The following PTPRN2 variants were observed in gnomAD, a reference collection of about 807,000 sequenced individuals.
PTPRN2 encodes protein tyrosine phosphatase receptor type N2.
Under a neutral mutation model 118.8 loss-of-function variants are expected in PTPRN2, and 74 were observed. The ratio of observed to expected loss-of-function variants is 0.62; its 90% CI spans 0.52 to 0.76. The LOEUF (loss-of-function observed/expected upper bound fraction) is 0.76, where lower values mean the gene tolerates loss of function less well. PTPRN2 is among the 30% of genes least tolerant of loss of function. The probability of loss-of-function intolerance (pLI) is 0.00; values close to 1 mark genes in which losing one functional copy is unlikely to be tolerated. For missense variants in PTPRN2, 1,481 were observed against 1,394.4 expected (o/e 1.06, Z -0.99); for synonymous variants, 641 against 608.0 (o/e 1.05, Z -0.80).
At chr7:158,484,817 G>A (rs772015190) in intron 2 of PTPRN2, among the ~76,000 whole-genome samples, 1 of 152,156 alleles carries the variant, frequency 6.6e-6, no homozygotes, top group African/African-American at 2.4e-5. Context: ...CATCACAGAC[G>A]TCCTCGGTTC....
rs571129792 is a variant in PTPRN2 at position 158,057,462 on chromosome 7, C to T, written c.1723+23836G>A. Among the ~76,000 whole-genome samples, 6 of 152,280 alleles carry T rather than the reference C, an allele frequency of 3.9e-5. No individual in the cohort carries two copies. The East Asian group carries it at 7.7e-4, about 20-fold the overall frequency. On this transcript the variant is annotated intron_variant, in intron 11 of 22. Coordinates refer to ENST00000389418, the MANE Select transcript of PTPRN2 (RefSeq NM_002847.5). ...TTCCATAACACAGTCAGTCACAGACCGAGCAGGTACACCCGAGGAATAGCC... is the reference window on the plus strand; with the variant it reads ...TTCCATAACACAGTCAGTCACAGACTGAGCAGGTACACCCGAGGAATAGCC...
chr7:157,628,940 C>G (rs1471282984), intron 14 of PTPRN2, among the ~76,000 whole-genome samples: 1 of 152,058 alleles, frequency 6.6e-6, no homozygotes, highest in African/African-American at 2.4e-5. Flanking sequence ...AGAGGAAATC[C>G]TAGGAAATGC....
In PTPRN2 at chr7:157,929,746, CTGT is replaced by C. The variant is rs1255162935; in HGVS notation, c.1724-31012_1724-31010del. On this transcript the variant is annotated intron_variant, in intron 11 of 22. Coordinates refer to ENST00000389418, the MANE Select transcript of PTPRN2 (RefSeq NM_002847.5). This position sits in a 1 kb window ranked among gnomAD's most constrained non-coding sequence, Gnocchi z 4.4. Reference sequence around the variant, plus strand: ...CACAGGGGTGAGGAGCTCTGTGCTGCTGTTGAGATGAATGGTGCCAGAAGGGAG... The same window carrying C: ...CACAGGGGTGAGGAGCTCTGTGCTGCTGAGATGAATGGTGCCAGAAGGGAG... 6.6e-6 allele frequency among the ~76,000 whole-genome samples: 1 copy of C among 152,094 alleles called. No individual in the cohort carries two copies. The highest frequency in any genetic ancestry group is 1.5e-5 in the Non-Finnish European group (1 of 68,026).
chr7:158,131,207 TAC>T (rs1422878037), intron 9 of PTPRN2, among the ~76,000 whole-genome samples: 2 of 148,700 alleles, frequency 1.3e-5, no homozygotes, highest in African/African-American at 2.5e-5. Context: ...CACACTCATA[TAC>T]ACACACGTAC....
At chr7:158,233,786 G>A (rs962123811) in intron 3 of PTPRN2, among the ~76,000 whole-genome samples, 29 of 152,014 alleles carry the variant, frequency 1.9e-4, no homozygotes, top group African/African-American at 7.0e-4. Flanking sequence ...CAGACCAATG[G>A]AACAGAATAG....
intron 21 of PTPRN2, among the ~76,000 whole-genome samples, chr7:157,567,180 G>C (rs116524834): frequency 0.01 from 1,575 of 152,374 alleles, 28 homozygotes; most frequent in African/African-American, 0.036. Flanking sequence ...AGACACAGCA[G>C]CATTAATGGA....
rs370605192 is a variant in PTPRN2, at chr7:158,047,330, T to C, written c.1723+33968A>G. On this transcript the variant is annotated intron_variant, in intron 11 of 22. Coordinates refer to ENST00000389418, the MANE Select transcript of PTPRN2 (RefSeq NM_002847.5). The stretch of plus-strand genomic sequence containing the variant: ...CTCAGTTCCCTTTCTCTCAAGGAGC[T>C]TTCAGCTCAGGAGAATAAACAAGGA... 4.6e-5 allele frequency among the ~76,000 whole-genome samples: 7 copies of C among 152,342 alleles called. 1 individual carries two copies. The East Asian group carries it at 1.2e-3, about 25-fold the overall frequency.
chr7:158,376,548 T>G (rs1158990177), intron 2 of PTPRN2, among the ~76,000 whole-genome samples: 42 of 43,950 alleles, frequency 9.6e-4, no homozygotes, highest in South Asian at 2.2e-3. Flanking sequence ...CTCTCCCACA[T>G]CCCTGTCACA....
intron 13 of PTPRN2, among the ~76,000 whole-genome samples, chr7:157,656,902 TCACACATATACACACACACACGCCACAC>T (rs1563311517): frequency 4.1e-5 from 4 of 97,854 alleles, no homozygotes; most frequent in Admixed American, 1.1e-4. Flanking sequence ...ACCACACACA[TCACACATATACACACACACACGCCACAC>T]ACACACACCA....
intron 12 of PTPRN2, among the ~76,000 whole-genome samples, chr7:157,747,771 C>G (rs1699475073): frequency 1.6e-5 from 2 of 127,822 alleles, no homozygotes; most frequent in Admixed American, 8.5e-5. Context: ...CCGGGTGATT[C>G]TGAGGCCTGC....
intron 17 of PTPRN2, among the ~76,000 whole-genome samples, chr7:157,593,478 C>T (rs986667226): frequency 6.6e-6 from 1 of 152,220 alleles, no homozygotes; most frequent in African/African-American, 2.4e-5. Flanking sequence ...TTTGGGGGCA[C>T]CCCATGCCAC....
At chr7:158,524,467 CGGA>C (rs1563395054) in intron 1 of PTPRN2, among the ~76,000 whole-genome samples, 1 of 91,976 alleles carries the variant, frequency 1.1e-5, no homozygotes, top group Non-Finnish European at 2.0e-5. Flanking sequence ...TGCCCTGGAG[CGGA>C]GTCTGCCCTG....
At chr7:157,812,386 A>ATGAGGGAGG (rs540777882) in intron 12 of PTPRN2, among the ~76,000 whole-genome samples, 209 of 145,666 alleles carry the variant, frequency 1.4e-3, no homozygotes, top group South Asian at 0.014. Flanking sequence ...CCTTTGGGGC[A>ATGAGGGAGG]TGAGGGAGGT....
intron 11 of PTPRN2, among the ~76,000 whole-genome samples, chr7:157,955,649 C>T (rs1293823660): frequency 1.3e-5 from 2 of 152,186 alleles, no homozygotes; most frequent in African/African-American, 2.4e-5. Context: ...CAACTCCCAA[C>T]CATTGTGGTT....
At position 157,590,462 on chromosome 7, in the gene PTPRN2, G is replaced by C. The variant is rs924204697; in HGVS notation, c.2496+4776C>G. On this transcript the variant is annotated intron_variant, in intron 17 of 22. Transcript: ENST00000389418. The surrounding 1 kb of genome is among the most constrained non-coding windows in gnomAD (Gnocchi z 4.0). ...CCTTTAGGTAATGAATTTATTTTTA[G>C]GAATTTCTTGATGTAAGTCAAATTT... is the stretch of plus-strand genomic sequence containing the variant. 2.0e-5 allele frequency among the ~76,000 whole-genome samples: 3 copies of C among 152,176 alleles called. No homozygotes were observed. Among genetic ancestry groups the C allele is most frequent in the Non-Finnish European group, 4.4e-5 (3 of 68,030 alleles).
intron 15 of PTPRN2, among the ~76,000 whole-genome samples, chr7:157,612,906 C>A (rs1307073579): frequency 1.3e-5 from 2 of 152,208 alleles, no homozygotes; most frequent in Non-Finnish European, 2.9e-5. Context: ...GGGCAGGGCC[C>A]CCCACACCCC....
intron 10 of PTPRN2, among the ~76,000 whole-genome samples, chr7:158,106,520 T>A (rs540842662): frequency 1.3e-5 from 2 of 152,322 alleles, no homozygotes; most frequent in African/African-American, 2.4e-5. Flanking sequence ...TATTTCCACC[T>A]TTTCTGACTC....
At chr7:158,543,008 G>T (rs543631577) in intron 1 of PTPRN2, among the ~76,000 whole-genome samples, 1 of 151,368 alleles carries the variant, frequency 6.6e-6, no homozygotes, top group South Asian at 2.1e-4. Flanking sequence ...GTCATGCGCC[G>T]GGTTGGGTCA....
chr7:158,163,874 A>G (rs1179315805), intron 6 of PTPRN2, among the ~76,000 whole-genome samples: 3 of 152,174 alleles, frequency 2.0e-5, no homozygotes, highest in Non-Finnish European at 2.9e-5. Context: ...CTCTCTGCAT[A>G]TTTCATAGGT....
Sources: allele counts gnomAD v4.1 joint callset (sites outside exome capture counted in the v4.1 genomes callset), GRCh38; gene constraint gnomAD v4.1.1; non-coding constraint Gnocchi (gnomAD v3.1); transcripts MANE v1.5; gene names NCBI Gene and HGNC (gene_info 2026-07-23, HGNC 2026-07-21).